Variants in MYO1E observed in about 807,000 individuals in gnomAD.
MYO1E encodes unconventional myosin-Ie.
A neutral mutation model predicts 151.1 loss-of-function variants in MYO1E; 68 were observed. That is an observed-to-expected ratio of 0.45 (90% CI 0.37 to 0.55). The LOEUF is 0.55. MYO1E is among the 20% of genes least tolerant of loss of function. The pLI is 0.00. For synonymous variants in MYO1E, 601 were observed against 501.7 expected (o/e 1.20, Z -2.64); for missense variants, 1,363 against 1,389.3 (o/e 0.98, Z 0.30).
At chr15:59,144,962 G>C (rs1238050718) in intron 26 of MYO1E, among the ~76,000 whole-genome samples, 1 of 152,202 alleles carries the variant, frequency 6.6e-6, no homozygotes, top group African/African-American at 2.4e-5. Flanking sequence ...TCCTGCCTCA[G>C]CCTCCTAAGT....
chr15:59,254,574 G>A (rs1437496512), intron 4 of MYO1E, among the ~76,000 whole-genome samples: 1 of 152,114 alleles, frequency 6.6e-6, no homozygotes, highest in Non-Finnish European at 1.5e-5. Context: ...AACAGAATTG[G>A]CCATATACTG....
intron 1 of MYO1E, among the ~76,000 whole-genome samples, chr15:59,326,097 C>T (rs2080662125): frequency 6.6e-6 from 1 of 151,948 alleles, no homozygotes; most frequent in Admixed American, 6.6e-5. Flanking sequence ...TTCAGTTCCT[C>T]TTCCATTTGA....
At chr15:59,297,186 A>C (rs1328369396) in intron 1 of MYO1E, among the ~76,000 whole-genome samples, 1 of 151,728 alleles carries the variant, frequency 6.6e-6, no homozygotes, top group Non-Finnish European at 1.5e-5. Flanking sequence ...CTTTTTATAC[A>C]AGTCAATATT....
intron 1 of MYO1E, among the ~76,000 whole-genome samples, chr15:59,349,540 T>G (rs2080812430): frequency 6.6e-6 from 1 of 152,182 alleles, no homozygotes; most frequent in South Asian, 2.1e-4. Flanking sequence ...TGATGAGAAA[T>G]CATCCTCATC....
chr15:59,268,720 A>ATTTTTTGTTTTTTTTTTT (rs2080271459), intron 2 of MYO1E, among the ~76,000 whole-genome samples: 1 of 44,906 alleles, frequency 2.2e-5, no homozygotes, highest in Non-Finnish European at 4.9e-5. Context: ...TGACTTTGGT[A>ATTTTTTGTTTTTTTTTTT]TTTTTTTTTT....
chr15:59,328,116 G>C (rs1276592847), intron 1 of MYO1E, among the ~76,000 whole-genome samples: 11 of 152,236 alleles, frequency 7.2e-5, no homozygotes, highest in African/African-American at 2.7e-4. Flanking sequence ...AGATGGGGCT[G>C]GGTGGCAGAG....
intron 4 of MYO1E, among the ~76,000 whole-genome samples, chr15:59,248,358 C>T (rs557301490): frequency 3.0e-4 from 46 of 150,940 alleles, no homozygotes; most frequent in Non-Finnish European, 5.5e-4. Context: ...AGGTGGTGGG[C>T]GCCTGTAGTC....
At chr15:59,245,531 C>T (rs1186609312) in intron 4 of MYO1E, among the ~76,000 whole-genome samples, 3 of 152,160 alleles carry the variant, frequency 2.0e-5, no homozygotes, top group African/African-American at 4.8e-5. Context: ...ATGCAGGATG[C>T]ACCTGACAAA....
At chr15:59,160,261 A>G (rs1342960029) in intron 24 of MYO1E, among the ~76,000 whole-genome samples, 2 of 151,526 alleles carry the variant, frequency 1.3e-5, no homozygotes, top group East Asian at 1.9e-4. Context: ...TGCTATAGAT[A>G]TAAGTTTATA....
At position 59,287,810 on chromosome 15, in the gene MYO1E, G is replaced by C. The variant is rs190629925; in HGVS notation, c.4-15361C>G. On this transcript the variant is annotated intron_variant, in intron 1 of 27. Transcript: ENST00000288235. ...CTAAGATAGGATGGCCTCCTGTCCAGGCCTGGTTCCTGCCATGCTCCCTGA... is the reference window on the plus strand; with the variant it reads ...CTAAGATAGGATGGCCTCCTGTCCACGCCTGGTTCCTGCCATGCTCCCTGA... 1.7e-3 allele frequency among the ~76,000 whole-genome samples: 261 copies of C among 152,274 alleles called. 1 individual carries two copies. Among genetic ancestry groups the C allele is most frequent in the Middle Eastern group, 6.8e-3 (2 of 294 alleles).
chr15:59,195,003 G>C (rs143630624), intron 17 of MYO1E, among the ~76,000 whole-genome samples: 88 of 151,008 alleles, frequency 5.8e-4, no homozygotes, highest in African/African-American at 2.1e-3. Flanking sequence ...CTTGTCCCCA[G>C]TGTCTTCACG....
At chr15:59,183,542 T>C (rs1235556606) in intron 18 of MYO1E, among the ~76,000 whole-genome samples, 1 of 152,100 alleles carries the variant, frequency 6.6e-6, no homozygotes, top group Admixed American at 6.5e-5. Context: ...TAGGTATACA[T>C]ATTTATGGGT....
intron 1 of MYO1E, among the ~76,000 whole-genome samples, chr15:59,353,369 A>AAAAAAAAAAAAAAAAAAAAG (rs1178465167): frequency 1.0e-5 from 1 of 96,852 alleles, no homozygotes; most frequent in Non-Finnish European, 1.9e-5. Context: ...AAAAAAAAAA[A>AAAAAAAAAAAAAAAAAAAAG]AAAAGAAAAG....
chr15:59,321,783 G>A (rs1220689437), intron 1 of MYO1E, among the ~76,000 whole-genome samples: 2 of 152,088 alleles, frequency 1.3e-5, no homozygotes, highest in African/African-American at 4.8e-5. Context: ...AGGCTGACCT[G>A]GGAGAATCTC....
chr15:59,319,550 CTT>C (rs59491381), intron 1 of MYO1E, among the ~76,000 whole-genome samples: 47 of 63,682 alleles, frequency 7.4e-4, no homozygotes, highest in Non-Finnish European at 1.2e-3. Context: ...GTCAAACTAC[CTT>C]TTTTTTTTTT....
In MYO1E at chr15:59,132,741, GGAT is replaced by G. The variant is rs2079352387; in HGVS notation, c.*4636_*4638del. The stretch of plus-strand genomic sequence containing the variant: ...TTTAGTTTCTGTACCTGTGAAGTGG[GGAT>G]AAGAGTGTCTCCCTCATAGGGTGGT... On this transcript the variant is annotated 3_prime_UTR_variant, in exon 28 of 28. Coordinates refer to ENST00000288235, the MANE Select transcript of MYO1E (RefSeq NM_004998.4). 6.6e-6 allele frequency: 1 copy of G among 152,190 alleles called. No homozygotes were observed. The highest frequency in any genetic ancestry group is 1.5e-5 in the Non-Finnish European group (1 of 68,046). 9.4% of individuals were successfully genotyped at this position (152,190 alleles called of 1,614,324 possible). A position where few individuals can be genotyped will look rare whatever the true frequency, so the allele number is the denominator to read the frequency against.
chr15:59,139,683 G>A (rs934425435), intron 26 of MYO1E, among the ~76,000 whole-genome samples: 2 of 141,524 alleles, frequency 1.4e-5, no homozygotes, highest in Admixed American at 1.4e-4. Context: ...CTCCACAGAT[G>A]TCCCTCCTAC....
At chr15:59,254,403 G>C (rs1298011173) in intron 4 of MYO1E, among the ~76,000 whole-genome samples, 1 of 152,170 alleles carries the variant, frequency 6.6e-6, no homozygotes, top group Non-Finnish European at 1.5e-5. Flanking sequence ...TGTCCGGGCT[G>C]ATCTCCAATT....
At chr15:59,146,178 G>A in intron 26 of MYO1E, among the ~76,000 whole-genome samples, 1 of 152,086 alleles carries the variant, frequency 6.6e-6, no homozygotes, top group East Asian at 1.9e-4. Flanking sequence ...GCCACCATTT[G>A]TTTTATAATT....
Sources: gnomAD v4.1 joint callset for allele counts (sites outside exome capture counted in the v4.1 genomes callset) on GRCh38, gnomAD v4.1.1 for gene constraint, MANE v1.5 for transcripts, NCBI Gene and HGNC (gene_info 2026-07-23, HGNC 2026-07-21) for gene names.